SRGAP3: variants seen among roughly 807,000 people sequenced by gnomAD.
SRGAP3 encodes SLIT-ROBO Rho GTPase-activating protein 3.
A neutral mutation model predicts 121.1 loss-of-function variants in SRGAP3; 39 were observed. The observed-to-expected ratio is 0.32, with a 90% CI of 0.25 to 0.42. The LOEUF is 0.42. Among genes scored for constraint, SRGAP3 ranks in the 10% least tolerant of loss-of-function variants. SRGAP3 has a pLI of 1.00. For missense variants in SRGAP3, 1,213 were observed against 1,470.6 expected, an observed-to-expected ratio of 0.82 and a Z score of 2.86; for synonymous variants, 601 against 570.0, an observed-to-expected ratio of 1.05 and a Z score of -0.77.
At chr3:9,180,569 C>T (rs2125119256) in intron 1 of SRGAP3, among the ~76,000 whole-genome samples, 1 of 152,278 alleles carries the variant, frequency 6.6e-6, no homozygotes, top group East Asian at 1.9e-4. Context: ...AGGCAAGTTT[C>T]ACCAAAGCAA....
At chr3:9,228,235 A>C (rs1020683180) in intron 1 of SRGAP3, among the ~76,000 whole-genome samples, 1 of 152,150 alleles carries the variant, frequency 6.6e-6, no homozygotes, top group Non-Finnish European at 1.5e-5. Context: ...CCTTGTCTAA[A>C]AAAGGCAGCC....
intron 1 of SRGAP3, among the ~76,000 whole-genome samples, chr3:9,333,571 C>A (rs751754773): frequency 1.3e-5 from 2 of 152,176 alleles, no homozygotes; most frequent in Non-Finnish European, 2.9e-5. Flanking sequence ...TCCTGCATTT[C>A]TCCGGTGGTG....
intron 1 of SRGAP3, among the ~76,000 whole-genome samples, chr3:9,160,447 T>A (rs1398533465): frequency 1.3e-5 from 2 of 152,186 alleles, no homozygotes; most frequent in Non-Finnish European, 2.9e-5. Context: ...AGCAGCCCTA[T>A]AGAGAGGTCC....
At chr3:9,146,328 T>G (rs985462508) in intron 1 of SRGAP3, among the ~76,000 whole-genome samples, 1 of 152,170 alleles carries the variant, frequency 6.6e-6, no homozygotes, top group African/African-American at 2.4e-5. Flanking sequence ...GACTGCCCAG[T>G]TTAGAGTCCC....
intron 18 of SRGAP3, among the ~76,000 whole-genome samples, chr3:9,000,447 T>C (rs1013394572): frequency 1.3e-5 from 2 of 152,122 alleles, no homozygotes; most frequent in Non-Finnish European, 2.9e-5. Context: ...AGTCTCAGAG[T>C]CCTGGCTCAG....
intron 1 of SRGAP3, among the ~76,000 whole-genome samples, chr3:9,150,344 G>GAAA (rs1950173714): frequency 2.0e-5 from 3 of 152,008 alleles, no homozygotes; most frequent in Admixed American, 2.0e-4. Context: ...AAGTAAGAAG[G>GAAA]TGGGAGAGGA....
chr3:9,172,733 C>T (rs1012309027), intron 1 of SRGAP3, among the ~76,000 whole-genome samples: 3 of 152,176 alleles, frequency 2.0e-5, no homozygotes, highest in Non-Finnish European at 4.4e-5. Context: ...ACAGATACAA[C>T]GTCATAGGAT....
At chr3:9,126,264 C>T (rs1212666372) in intron 1 of SRGAP3, among the ~76,000 whole-genome samples, 1 of 152,184 alleles carries the variant, frequency 6.6e-6, no homozygotes, top group African/African-American at 2.4e-5. Flanking sequence ...ACTGCTCACT[C>T]GTCCAGAATC....
At chr3:9,092,094 G>C (rs552870256) in intron 3 of SRGAP3, among the ~76,000 whole-genome samples, 1 of 152,106 alleles carries the variant, frequency 6.6e-6, no homozygotes, top group African/African-American at 2.4e-5. Context: ...CACGGAGGCA[G>C]TGAGTCTAGC....
intron 3 of SRGAP3, among the ~76,000 whole-genome samples, chr3:9,287,260 G>A (rs999098391): frequency 6.6e-6 from 1 of 151,996 alleles, no homozygotes; most frequent in Non-Finnish European, 1.5e-5. Context: ...GTGAACTGCT[G>A]GGATGACAGG....
intron 1 of SRGAP3, among the ~76,000 whole-genome samples, chr3:9,198,821 C>G (rs998720403): frequency 6.6e-6 from 1 of 152,062 alleles, no homozygotes; most frequent in African/African-American, 2.4e-5. Context: ...TAAAACAGGC[C>G]CAGGCACCAA....
At chr3:9,047,605 G>T in intron 9 of SRGAP3, 130 bp from the exon 10 acceptor site, 1 of 819,884 alleles carries the variant, frequency 1.2e-6, no homozygotes, top group Non-Finnish European at 2.0e-6. Context: ...CCCGGCGCAG[G>T]GAACAGAGAG....
chr3:9,230,619 G>A (rs554865609), intron 1 of SRGAP3, among the ~76,000 whole-genome samples: 7 of 152,222 alleles, frequency 4.6e-5, no homozygotes, highest in East Asian at 1.9e-4. Flanking sequence ...GCCTGGAATC[G>A]CAGCACTTTG....
intron 3 of SRGAP3, among the ~76,000 whole-genome samples, 180 bp downstream of exon 3, chr3:9,104,500 C>A (rs926474992): frequency 2.6e-5 from 4 of 152,204 alleles, no homozygotes; most frequent in African/African-American, 9.7e-5. Flanking sequence ...TTAAAAGGCA[C>A]ATCCAGGGTT....
chr3:8,995,846 T>C (rs1942367334), intron 18 of SRGAP3, among the ~76,000 whole-genome samples: 1 of 152,250 alleles, frequency 6.6e-6, no homozygotes, highest in African/African-American at 2.4e-5. Context: ...TTTAACATTA[T>C]AATTCTTACT....
chr3:9,122,108 G>A (rs570659382), intron 2 of SRGAP3, among the ~76,000 whole-genome samples: 17 of 152,272 alleles, frequency 1.1e-4, no homozygotes, highest in Non-Finnish European at 1.5e-4. Flanking sequence ...TTACGATGGG[G>A]TAGTAATACC....
At chr3:9,091,042 C>A (rs1328213220) in intron 3 of SRGAP3, among the ~76,000 whole-genome samples, 1 of 151,966 alleles carries the variant, frequency 6.6e-6, no homozygotes, top group African/African-American at 2.4e-5. Flanking sequence ...AAAAAAAATA[C>A]CATCTTAAAA....
At chr3:9,190,871 G>C (rs570092427) in intron 1 of SRGAP3, among the ~76,000 whole-genome samples, 11 of 152,254 alleles carry the variant, frequency 7.2e-5, no homozygotes, top group African/African-American at 2.4e-4. Context: ...TAGGGGAGGG[G>C]AGCCCCACTG....
intron 1 of SRGAP3, among the ~76,000 whole-genome samples, chr3:9,150,741 T>A (rs1950184070): frequency 6.6e-6 from 1 of 151,920 alleles, no homozygotes; most frequent in Middle Eastern, 3.4e-3. Context: ...TCCGCCTCTA[T>A]GAAGGAAAAA....
Sources: gnomAD v4.1 joint callset for allele counts (sites outside exome capture counted in the v4.1 genomes callset) on GRCh38, gnomAD v4.1.1 for gene constraint, MANE v1.5 for transcripts, NCBI Gene and HGNC (gene_info 2026-07-23, HGNC 2026-07-21) for gene names.